NCOA6: variants seen among roughly 807,000 people sequenced by gnomAD.
The protein encoded by NCOA6 is NRC RAP250.
Under a neutral mutation model 171.4 loss-of-function variants are expected in NCOA6, and 49 were observed. The ratio of observed to expected loss-of-function variants is 0.29; its 90% CI spans 0.23 to 0.36. The LOEUF is 0.36. Ranked by LOEUF, NCOA6 falls within the 10% of genes least tolerant of loss-of-function variation. The pLI, the probability that NCOA6 is intolerant of heterozygous loss-of-function variation, is 1.00. For missense variants in NCOA6, 2,248 were observed against 2,554.5 expected, an observed-to-expected ratio of 0.88 and a Z score of 2.59; for synonymous variants, 910 against 927.5, an observed-to-expected ratio of 0.98 and a Z score of 0.34.
In NCOA6 at chr20:34,800,235, T is replaced by A. The variant is rs998490786; in HGVS notation, c.-163-7672A>T. ...ATAAAAAAATACAACAGATAAGAAA[T>A]AAAAAGTAAATTAAAACATACCACT... On this transcript the variant is annotated intron_variant, in intron 1 of 14. Transcript: ENST00000359003. Among the ~76,000 whole-genome samples the A allele has an allele frequency of 2.0e-5, 3 of 151,334 alleles. No individual in the cohort carries two copies. The East Asian group carries it at 5.8e-4, about 29-fold the overall frequency.
intron 1 of NCOA6, among the ~76,000 whole-genome samples, chr20:34,812,648 A>G (rs2078704952): frequency 6.6e-6 from 1 of 152,196 alleles, no homozygotes; most frequent in Non-Finnish European, 1.5e-5. Context: ...TAAAAAAAAC[A>G]AAGAAATAAA....
intron 2 of NCOA6, among the ~76,000 whole-genome samples, chr20:34,786,279 A>AT (rs1351046406): frequency 2.6e-5 from 4 of 151,816 alleles, no homozygotes; most frequent in Non-Finnish European, 5.9e-5. Context: ...TGATCTATCA[A>AT]TTTTTTTCAA....
Position 34,715,364 on chromosome 20 carries a change from G to A in NCOA6, c.6150C>T (p.Asp2050=). ...GCTTGGATTGCACCGCACTGGTTAT[G>A]TCTGTGGGGGAAAGAAAGGACATGT... The part of the protein sequence containing the change: ...RPASASSSTK[D]ITSAVQSKRR... The change falls in exon 15 of 15, where the codon GAC becomes GAT. Residue 2050 remains aspartate (D), a splice_region_variant and synonymous_variant. Transcript: ENST00000359003. The A allele has an allele frequency of 1.2e-6, 2 of 1,611,260 alleles. No individual in the cohort carries two copies. The highest frequency in any genetic ancestry group is 1.7e-6 in the Non-Finnish European group (2 of 1,177,374).
intron 1 of NCOA6, among the ~76,000 whole-genome samples, chr20:34,802,983 G>T (rs771883934): frequency 6.6e-6 from 1 of 151,516 alleles, no homozygotes; most frequent in Admixed American, 6.6e-5. Context: ...GCTAATTTTC[G>T]TATTTTTTGT....
At chr20:34,778,668 C>G (rs2077417056) in intron 3 of NCOA6, among the ~76,000 whole-genome samples, 1 of 151,830 alleles carries the variant, frequency 6.6e-6, no homozygotes, top group Non-Finnish European at 1.5e-5. Context: ...CCTTGTGATC[C>G]ACCTGCCTCG....
intron 14 of NCOA6, among the ~76,000 whole-genome samples, chr20:34,716,088 C>T (rs571634120): frequency 8.5e-5 from 13 of 152,110 alleles, no homozygotes; most frequent in African/African-American, 2.2e-4. Context: ...GGCGTGGTGG[C>T]GTGTGCCTTA....
intron 1 of NCOA6, among the ~76,000 whole-genome samples, chr20:34,797,230 G>A (rs75015533): frequency 0.01 from 1,524 of 152,216 alleles, 24 homozygotes; most frequent in African/African-American, 0.034. Flanking sequence ...CCCTCTGCTT[G>A]AGGAGAGGAG....
intron 4 of NCOA6, among the ~76,000 whole-genome samples, chr20:34,773,568 G>C (rs1049953884): frequency 4.2e-5 from 6 of 143,518 alleles, no homozygotes; most frequent in African/African-American, 1.6e-4. Context: ...TCGACACCCA[G>C]GCTGGAGTGC....
At chr20:34,717,406 C>T (rs184145245) in intron 14 of NCOA6, among the ~76,000 whole-genome samples, 10 of 152,140 alleles carry the variant, frequency 6.6e-5, no homozygotes, top group Admixed American at 4.6e-4. Context: ...GCCGAGATTG[C>T]GCCATTGCAC....
chr20:34,752,249 T>G (rs1646671590), intron 8 of NCOA6, among the ~76,000 whole-genome samples: 1 of 152,224 alleles, frequency 6.6e-6, no homozygotes, highest in Admixed American at 6.5e-5. Flanking sequence ...GGGGGCAAAC[T>G]ACCTTGTTCA....
At chr20:34,767,198 T>C (rs1246013395) in intron 5 of NCOA6, among the ~76,000 whole-genome samples, 2 of 152,192 alleles carry the variant, frequency 1.3e-5, no homozygotes, top group Non-Finnish European at 2.9e-5. Flanking sequence ...CTTGGGGAAG[T>C]ACAGTAACTA....
chr20:34,801,369 ATGAAAT>A (rs2146466423), intron 1 of NCOA6, among the ~76,000 whole-genome samples: 1 of 152,296 alleles, frequency 6.6e-6, no homozygotes, highest in Non-Finnish European at 1.5e-5. Flanking sequence ...GCAGAAATAA[ATGAAAT>A]TGAAAGAATA....
intron 5 of NCOA6, among the ~76,000 whole-genome samples, chr20:34,766,497 G>A (rs2076986612): frequency 6.6e-6 from 1 of 151,972 alleles, no homozygotes; most frequent in African/African-American, 2.4e-5. Context: ...GTGTGGTAGT[G>A]CACGCCTGTA....
At position 34,757,892 on chromosome 20, in the gene NCOA6, ACTGTTGTTGCTGCTGTTG is replaced by A. The variant is rs771064668; in HGVS notation, c.838_855del (p.Gln280_Gln285del). The A allele has an allele frequency of 9.3e-6, 15 of 1,613,602 alleles. No homozygotes were observed. The African/African-American group carries it at 1.1e-4, about 11-fold the overall frequency. The stretch of plus-strand genomic sequence containing the variant: ...TGTTGCTGTGGGGGTCTTGCCTGCA[ACTGTTGTTGCTGCTGTTG>A]CTGTTGTTGCTGCTGCTGCTGCTGC... On this transcript the variant is annotated inframe_deletion, in exon 7 of 15. Transcript: ENST00000359003.
intron 12 of NCOA6, among the ~76,000 whole-genome samples, chr20:34,733,510 T>C (rs2145417047): frequency 6.6e-6 from 1 of 152,292 alleles, no homozygotes; most frequent in African/African-American, 2.4e-5. Context: ...TTATCTGACA[T>C]CTCTGTGCTC....
At chr20:34,744,716 T>C (rs552188007) in intron 10 of NCOA6, among the ~76,000 whole-genome samples, 1 of 152,248 alleles carries the variant, frequency 6.6e-6, no homozygotes, top group African/African-American at 2.4e-5. Flanking sequence ...TTCACCTTTA[T>C]AAAGCCAATA....
At chr20:34,770,563 G>A (rs1242383607) in intron 4 of NCOA6, among the ~76,000 whole-genome samples, 1 of 151,958 alleles carries the variant, frequency 6.6e-6, no homozygotes, top group Non-Finnish European at 1.5e-5. Flanking sequence ...TCTGGAAAAG[G>A]ACATCAGTTC....
At chr20:34,778,653 C>T (rs2030752323) in intron 3 of NCOA6, among the ~76,000 whole-genome samples, 1 of 151,870 alleles carries the variant, frequency 6.6e-6, no homozygotes, top group Admixed American at 6.5e-5. Context: ...GTCTTGATCT[C>T]TTGACCTTGT....
intron 1 of NCOA6, among the ~76,000 whole-genome samples, chr20:34,822,540 G>C (rs150858547): frequency 1.3e-5 from 2 of 152,080 alleles, no homozygotes; most frequent in Non-Finnish European, 2.9e-5. Flanking sequence ...TCCTTATAGC[G>C]TTTAATAACT....
Sources: allele counts gnomAD v4.1 joint callset (sites outside exome capture counted in the v4.1 genomes callset), GRCh38; gene constraint gnomAD v4.1.1; transcripts MANE v1.5; gene names NCBI Gene and HGNC (gene_info 2026-07-23, HGNC 2026-07-21).